The following SMYD5 variants were observed in gnomAD, a reference collection of about 807,000 sequenced individuals.
The protein encoded by SMYD5 is protein-lysine N-trimethyltransferase SMYD5.
Under a neutral mutation model 57.4 loss-of-function variants are expected in SMYD5, and 35 were observed. The ratio of observed to expected loss-of-function variants is 0.61; its 90% CI spans 0.47 to 0.81. The LOEUF is 0.81. Among genes scored for constraint, SMYD5 ranks in the 30% least tolerant of loss-of-function variants. SMYD5 has a pLI of 0.00. For missense variants in SMYD5, 471 were observed against 527.9 expected (o/e 0.89, Z 1.06); for synonymous variants, 198 against 189.7 (o/e 1.04, Z -0.36).
Position 73,214,263 on chromosome 2 carries a change from C to A in SMYD5, c.-4C>A. Reference sequence around the variant, plus strand: ...AAGGGTCATAAGGCGGAGGCGCGCCCAAGATGGCGGCCTCCATGTGCGACG... The same window carrying A: ...AAGGGTCATAAGGCGGAGGCGCGCCAAAGATGGCGGCCTCCATGTGCGACG... On this transcript the variant is annotated 5_prime_UTR_variant, in exon 1 of 13. Coordinates refer to ENST00000389501, the MANE Select transcript of SMYD5 (RefSeq NM_006062.3). 6.2e-7 allele frequency: 1 copy of A among 1,613,690 alleles called. No individual in the cohort carries two copies. Among genetic ancestry groups the A allele is most frequent in the Non-Finnish European group, 8.5e-7 (1 of 1,179,754 alleles).
intron 7 of SMYD5, 108 bp downstream of exon 7, chr2:73,222,925 C>A: frequency 6.7e-7 from 1 of 1,485,666 alleles, no homozygotes. Context: ...CCGACTTGGT[C>A]TTCTGGAGTT....
At chr2:73,216,673 C>T (rs762302661) in intron 1 of SMYD5, among the ~76,000 whole-genome samples, 3 of 152,178 alleles carry the variant, frequency 2.0e-5, no homozygotes, top group South Asian at 2.1e-4. Flanking sequence ...CCAGCCTGGG[C>T]GACAGAGGGA....
chr2:73,215,760 C>T (rs1686283749), intron 1 of SMYD5, among the ~76,000 whole-genome samples: 1 of 152,208 alleles, frequency 6.6e-6, no homozygotes, highest in Admixed American at 6.5e-5. Context: ...TGATTGCCCT[C>T]TCCTTGCCTA....
Position 73,223,076 on chromosome 2 carries a change from T to C in SMYD5, c.746T>C (p.Val249Ala), listed in dbSNP as rs772941717. The C allele has an allele frequency of 3.7e-6, 6 of 1,614,170 alleles. No homozygotes were observed. In the East Asian group the frequency reaches 1.1e-4, roughly 30 times the overall value. The part of the protein sequence containing the change: ...PDGFRSLFAL[V>A]GTNGQGIGTS... ...GGATTCCGGTCTCTCTTTGCTCTTG[T>C]TGGGACCAATGGCCAAGGAATCGGG... The change falls in exon 8 of 13, where the codon GTT becomes GCT. Residue 249 changes from valine to alanine, a missense_variant. Transcript: ENST00000389501.
Position 73,221,843 on chromosome 2 carries a change from T to A in SMYD5, c.555T>A (p.Arg185=), listed in dbSNP as rs1231312538. The A allele has an allele frequency of 1.2e-6, 2 of 1,613,736 alleles. No individual in the cohort carries two copies. Among genetic ancestry groups the A allele is most frequent in the East Asian group, 4.5e-5 (2 of 44,876 alleles). Residue 185 remains arginine, a synonymous_variant, in exon 6 of 13, where the codon CGT becomes CGA. Transcript: ENST00000389501. The part of the protein sequence containing the change: ...ATVKQAKDKD[R]WIRLFSQFCN... ...CACTGCAGGCGAAGGACAAGGACCGTTGGATCAGACTCTTTTCCCAGTTTT... is the reference window on the plus strand; with the variant it reads ...CACTGCAGGCGAAGGACAAGGACCGATGGATCAGACTCTTTTCCCAGTTTT...
At chr2:73,214,702 T>A (rs1490774918) in intron 1 of SMYD5, 2 of 1,382,530 alleles carry the variant, frequency 1.4e-6, no homozygotes, top group Non-Finnish European at 1.9e-6. Flanking sequence ...CAGAGAGAAC[T>A]GAGGTGTAAA....
At chr2:73,217,744 T>G (rs888440244) in intron 1 of SMYD5, among the ~76,000 whole-genome samples, 4 of 152,332 alleles carry the variant, frequency 2.6e-5, no homozygotes, top group Non-Finnish European at 2.9e-5. Context: ...TTTGCTTCAG[T>G]GTCAAGCATT....
chr2:73,217,044 T>G (rs1293884948), intron 1 of SMYD5, among the ~76,000 whole-genome samples: 3 of 151,938 alleles, frequency 2.0e-5, no homozygotes, highest in African/African-American at 7.3e-5. Flanking sequence ...CTCCGCCTCC[T>G]GGGTTCAAGC....
At chr2:73,214,492 G>T in intron 1 of SMYD5, 130 bp downstream of exon 1, 1 of 1,500,686 alleles carries the variant, frequency 6.7e-7, no homozygotes, top group Admixed American at 2.3e-5. Flanking sequence ...CCCTGCTCGC[G>T]GCCCGGGGGC....
In SMYD5 at chr2:73,224,005, T is replaced by A. The variant is rs1454479012; in HGVS notation, c.940+2T>A. ...GCCTCTTTGTGCTTCAGAGCTGCTGTGAGTCATGGCGTTGAGGAGGGATGG... is the reference window on the plus strand; with the variant it reads ...GCCTCTTTGTGCTTCAGAGCTGCTGAGAGTCATGGCGTTGAGGAGGGATGG... On this transcript the variant is annotated splice_donor_variant, in intron 10 of 12. Transcript: ENST00000389501. LOFTEE classifies it high-confidence loss of function. The A allele has an allele frequency of 6.2e-7, 1 of 1,613,930 alleles. No individual in the cohort carries two copies. Among genetic ancestry groups the A allele is most frequent in the Non-Finnish European group, 8.5e-7 (1 of 1,179,900 alleles).
intron 10 of SMYD5, among the ~76,000 whole-genome samples, chr2:73,224,626 G>A (rs917240716): frequency 1.3e-5 from 2 of 152,166 alleles, no homozygotes; most frequent in Admixed American, 6.5e-5. Flanking sequence ...GTGGGAACAC[G>A]ACTGAGAATG....
intron 2 of SMYD5, among the ~76,000 whole-genome samples, chr2:73,219,432 A>C (rs1043841367): frequency 6.6e-6 from 1 of 152,162 alleles, no homozygotes; most frequent in Non-Finnish European, 1.5e-5. Flanking sequence ...CCCAGGCTAA[A>C]GTGCAGTGGT....
chr2:73,219,369 C>T (rs552822294), intron 2 of SMYD5, among the ~76,000 whole-genome samples: 7 of 152,124 alleles, frequency 4.6e-5, no homozygotes, highest in Admixed American at 2.0e-4. Flanking sequence ...GCTTTTTTCA[C>T]ACTTTTCTTT....
Position 73,224,962 on chromosome 2 carries a change from T to A in SMYD5, c.1035+2T>A. The A allele has an allele frequency of 6.2e-7, 1 of 1,612,508 alleles. No individual in the cohort carries two copies. Among genetic ancestry groups the A allele is most frequent in the Non-Finnish European group, 8.5e-7 (1 of 1,178,988 alleles). On this transcript the variant is annotated splice_donor_variant, in intron 11 of 12. Coordinates refer to ENST00000389501, the MANE Select transcript of SMYD5 (RefSeq NM_006062.3). LOFTEE classifies it high-confidence loss of function. Reference sequence around the variant, plus strand: ...CTGGAGGATATTAAGCCAGGAGAGGTGAGGGGGACCAGGAACCGTCGGGAT... The same window carrying A: ...CTGGAGGATATTAAGCCAGGAGAGGAGAGGGGGACCAGGAACCGTCGGGAT...
chr2:73,226,685 G>A lies in SMYD5; in HGVS notation c.*739G>A, dbSNP rs1558554223. On this transcript the variant is annotated 3_prime_UTR_variant, in exon 13 of 13. Transcript: ENST00000389501. ...CTGCCTTCCTCAGGAGGGACACATA[G>A]TGGGTCATCACCCTTTCTCACACCT... 2 of 152,826 alleles carry A rather than the reference G, an allele frequency of 1.3e-5. No individual in the cohort carries two copies. The highest frequency in any genetic ancestry group is 2.9e-5 in the Non-Finnish European group (2 of 68,212). 9.5% of individuals were successfully genotyped at this position (152,826 alleles called of 1,614,324 possible).
At chr2:73,223,631 G>C in intron 9 of SMYD5, 99 bp downstream of exon 9, 1 of 855,786 alleles carries the variant, frequency 1.2e-6, no homozygotes, top group Admixed American at 1.9e-5. Context: ...AATTAATGGT[G>C]GGGGAAGGTA....
chr2:73,214,719 A>C (rs1422241602), intron 1 of SMYD5: 3 of 1,351,522 alleles, frequency 2.2e-6, no homozygotes, highest in Non-Finnish European at 2.9e-6. Flanking sequence ...TAAAAGAGGG[A>C]GTCCTCACGA....
chr2:73,225,028 G>GAGC (rs1389742674), intron 11 of SMYD5, 68 bp downstream of exon 11: 1 of 1,189,756 alleles, frequency 8.4e-7, no homozygotes, highest in East Asian at 2.3e-5. Context: ...CAGGGATCAG[G>GAGC]AGCAGCAGTG....
intron 1 of SMYD5, among the ~76,000 whole-genome samples, chr2:73,215,302 A>G (rs1686273755): frequency 6.6e-6 from 1 of 152,182 alleles, no homozygotes. Flanking sequence ...TTCTTTGGTT[A>G]CTAGTGAGGT....
Sources: allele counts gnomAD v4.1 joint callset (sites outside exome capture counted in the v4.1 genomes callset), GRCh38; gene constraint gnomAD v4.1.1; transcripts MANE v1.5; gene names NCBI Gene and HGNC (gene_info 2026-07-23, HGNC 2026-07-21).